The following ABTB3 variants were observed in gnomAD, a reference collection of about 807,000 sequenced individuals.
ABTB3 encodes ankyrin repeat and BTB domain containing 3, also known as ankyrin repeat- and BTB/POZ domain-containing protein 3.
At chr12:107,493,060 C>G in the ABTB3 span, among the ~76,000 whole-genome samples, 2 of 150,340 alleles carry the variant, frequency 1.3e-5, no homozygotes, top group Non-Finnish European at 2.9e-5. Flanking sequence ...GAAGCTTCCC[C>G]AGGGCCAAGC....
chr12:107,471,378 G>A, the ABTB3 span, among the ~76,000 whole-genome samples: 1 of 152,202 alleles, frequency 6.6e-6, no homozygotes, highest in Non-Finnish European at 1.5e-5. Context: ...CAGAATAGAA[G>A]TTGGCTTTTC....
At chr12:107,526,396 C>T in the ABTB3 span, among the ~76,000 whole-genome samples, 1 of 152,100 alleles carries the variant, frequency 6.6e-6, no homozygotes. Context: ...CTTTCCTGAA[C>T]CAGTGAGTAG....
At chr12:107,652,377 G>A in the ABTB3 span, among the ~76,000 whole-genome samples, 3 of 152,262 alleles carry the variant, frequency 2.0e-5, no homozygotes, top group South Asian at 6.2e-4. Context: ...AATCACCTGG[G>A]GACTCACTTA....
the ABTB3 span, among the ~76,000 whole-genome samples, chr12:107,338,962 G>A: frequency 6.6e-6 from 1 of 152,162 alleles, no homozygotes; most frequent in Admixed American, 6.5e-5. Context: ...GGGTAGCTGG[G>A]ACTACGGGGT....
chr12:107,583,563 G>A, the ABTB3 span, among the ~76,000 whole-genome samples: 1 of 152,152 alleles, frequency 6.6e-6, no homozygotes, highest in African/African-American at 2.4e-5. Context: ...CCTCTCAGAG[G>A]ACACTATCTT....
the ABTB3 span, among the ~76,000 whole-genome samples, chr12:107,505,513 C>T: frequency 6.6e-6 from 1 of 151,192 alleles, no homozygotes; most frequent in Non-Finnish European, 1.5e-5. Context: ...AATATTGGCT[C>T]GATTGGTTAG....
chr12:107,440,463 G>C, the ABTB3 span, among the ~76,000 whole-genome samples: 2 of 152,222 alleles, frequency 1.3e-5, no homozygotes, highest in Non-Finnish European at 2.9e-5. Flanking sequence ...CCTCAGAGAA[G>C]CCTTTCTTAC....
the ABTB3 span, among the ~76,000 whole-genome samples, chr12:107,412,238 C>A: frequency 1.3e-5 from 2 of 152,200 alleles, no homozygotes; most frequent in African/African-American, 4.8e-5. Flanking sequence ...GCCCATGTGG[C>A]AAACATAATA....
chr12:107,594,106 A>C, the ABTB3 span, among the ~76,000 whole-genome samples: 1 of 152,330 alleles, frequency 6.6e-6, no homozygotes, highest in South Asian at 2.1e-4. Flanking sequence ...CCTTAATTAG[A>C]GGTGACTCCT....
chr12:107,523,994 G>T, the ABTB3 span, among the ~76,000 whole-genome samples: 2 of 152,174 alleles, frequency 1.3e-5, no homozygotes, highest in South Asian at 2.1e-4. Context: ...CTGGACTGGG[G>T]CCCTGCGTAA....
At chr12:107,579,358 C>T in the ABTB3 span, among the ~76,000 whole-genome samples, 1 of 152,166 alleles carries the variant, frequency 6.6e-6, no homozygotes, top group Admixed American at 6.5e-5. Context: ...TTTCTCTACA[C>T]ATGCTATATA....
the ABTB3 span, among the ~76,000 whole-genome samples, chr12:107,405,834 C>T: frequency 2.6e-5 from 4 of 152,340 alleles, no homozygotes; most frequent in Non-Finnish European, 2.9e-5. Flanking sequence ...TTGAGCCAGG[C>T]GATTGGAGAC....
the ABTB3 span, among the ~76,000 whole-genome samples, chr12:107,381,381 G>A: frequency 6.6e-6 from 1 of 152,234 alleles, no homozygotes; most frequent in African/African-American, 2.4e-5. Context: ...TAGGGCAAGG[G>A]CAGAGTAATC....
chr12:107,335,578 TG>T, the ABTB3 span, among the ~76,000 whole-genome samples: 1 of 152,256 alleles, frequency 6.6e-6, no homozygotes, highest in Non-Finnish European at 1.5e-5. Flanking sequence ...TTATATATAC[TG>T]GGATTTTGAA....
chr12:107,469,515 C>T, the ABTB3 span, among the ~76,000 whole-genome samples: 2 of 152,288 alleles, frequency 1.3e-5, no homozygotes, highest in African/African-American at 4.8e-5. Flanking sequence ...TTAGGTGATG[C>T]ATGTCGGTTA....
At chr12:107,422,825 T>C in the ABTB3 span, among the ~76,000 whole-genome samples, 3 of 152,236 alleles carry the variant, frequency 2.0e-5, no homozygotes, top group Non-Finnish European at 2.9e-5. Context: ...TCAGGCATAG[T>C]TGGTTCCAGG....
chr12:107,597,448 C>T, the ABTB3 span, among the ~76,000 whole-genome samples: 1 of 152,128 alleles, frequency 6.6e-6, no homozygotes, highest in Admixed American at 6.5e-5. Flanking sequence ...TGAGCGTGCA[C>T]GATACAGAGA....
At chr12:107,574,496 G>A in the ABTB3 span, among the ~76,000 whole-genome samples, 1 of 152,202 alleles carries the variant, frequency 6.6e-6, no homozygotes, top group Non-Finnish European at 1.5e-5. Context: ...GCCAAGGCAG[G>A]TGGATGACCT....
the ABTB3 span, among the ~76,000 whole-genome samples, chr12:107,349,876 A>C: frequency 6.6e-6 from 1 of 152,248 alleles, no homozygotes; most frequent in East Asian, 1.9e-4. Context: ...GACTGATGGC[A>C]GAGGCACAGA....
Sources: allele counts gnomAD v4.1 joint callset (sites outside exome capture counted in the v4.1 genomes callset), GRCh38; gene constraint gnomAD v4.1.1; transcripts MANE v1.5; gene names NCBI Gene and HGNC (gene_info 2026-07-23, HGNC 2026-07-21).